The following EPHA6 variants were observed in gnomAD, a reference collection of about 807,000 sequenced individuals.
The protein encoded by EPHA6 is EPH receptor A6.
In EPHA6, 50 loss-of-function variants were observed where a neutral mutation model predicts 112.0. The observed-to-expected ratio is 0.45, with a 90% confidence interval of 0.36 to 0.56. EPHA6 has a LOEUF of 0.56. Among genes scored for constraint, EPHA6 ranks in the 20% least tolerant of loss-of-function variants. EPHA6 has a pLI of 0.00. For synonymous variants in EPHA6, 529 were observed against 490.7 expected (o/e 1.08, Z -1.03); for missense variants, 1,280 against 1,417.4 (o/e 0.90, Z 1.56).
intron 10 of EPHA6, among the ~76,000 whole-genome samples, chr3:97,518,196 A>G (rs2092477072): frequency 6.6e-6 from 1 of 152,138 alleles, no homozygotes; most frequent in Admixed American, 6.6e-5. Flanking sequence ...ATTCGTGTAC[A>G]TTCCTGCCAA....
At chr3:97,060,881 G>T (rs544106887) in intron 3 of EPHA6, among the ~76,000 whole-genome samples, 1 of 127,428 alleles carries the variant, frequency 7.8e-6, no homozygotes, top group East Asian at 2.3e-4. Flanking sequence ...CCGAGATTGC[G>T]CCTCTGCATT....
rs577722146 is a variant in EPHA6 at position 97,265,807 on chromosome 3, G to T, written c.1606+21520G>T. On this transcript the variant is annotated intron_variant, in intron 5 of 17. Coordinates refer to ENST00000389672, the MANE Select transcript of EPHA6 (RefSeq NM_001080448.3). ...CTTGTGCCTTCCTGTTGCAGCCGGC[G>T]CAATGGCAGCAGCGGCTCCAGATGG... is the stretch of plus-strand genomic sequence containing the variant. Among the ~76,000 whole-genome samples, 22 of 152,338 alleles carry T rather than the reference G, an allele frequency of 1.4e-4. No individual in the cohort carries two copies. In the South Asian group the frequency reaches 4.3e-3, roughly 30 times the overall value.
Position 96,987,515 on chromosome 3 carries a change from G to A in EPHA6, c.636G>A (p.Leu212=), listed in dbSNP as rs2043065572. The change falls in exon 3 of 18, where the codon TTG becomes TTA. Residue 212 remains leucine (L), a synonymous_variant. Coordinates refer to ENST00000389672, the MANE Select transcript of EPHA6 (RefSeq NM_001080448.3). ...LRDCNSIPWV[L]GTCKETFNLF... is the part of the protein sequence containing the mutation. ...ATTGTAACAGCATCCCATGGGTCTT[G>A]GGGACTTGCAAAGAAACATTTAATC... The A allele has an allele frequency of 6.2e-7, 1 of 1,613,776 alleles. No homozygotes were observed. The highest frequency in any genetic ancestry group is 8.5e-7 in the Non-Finnish European group (1 of 1,179,852).
intron 2 of EPHA6, among the ~76,000 whole-genome samples, chr3:96,920,397 TAAAC>T (rs1436958073): frequency 6.6e-6 from 1 of 151,924 alleles, no homozygotes; most frequent in Admixed American, 6.6e-5. Flanking sequence ...CAAAAAATAT[TAAAC>T]AAAATGAAAA....
intron 10 of EPHA6, among the ~76,000 whole-genome samples, chr3:97,520,678 G>GC (rs1312039824): frequency 3.9e-5 from 6 of 152,164 alleles, no homozygotes; most frequent in African/African-American, 1.2e-4. Flanking sequence ...ACTGTAATGT[G>GC]CCGTGGAGAA....
chr3:97,338,095 T>C (rs1236271402), intron 5 of EPHA6, among the ~76,000 whole-genome samples: 2 of 150,454 alleles, frequency 1.3e-5, no homozygotes, highest in African/African-American at 2.5e-5. Flanking sequence ...TGTGTGTGCG[T>C]GTGTGTGTGT....
chr3:97,707,702 C>T (rs1291548221), intron 14 of EPHA6, among the ~76,000 whole-genome samples: 2 of 152,170 alleles, frequency 1.3e-5, no homozygotes, highest in African/African-American at 2.4e-5. Flanking sequence ...CCAAATCCAC[C>T]TCCAATTGTT....
intron 5 of EPHA6, among the ~76,000 whole-genome samples, chr3:97,314,745 G>A (rs566312453): frequency 5.1e-4 from 77 of 151,756 alleles, no homozygotes; most frequent in African/African-American, 1.7e-3. Context: ...GGAGTAGGAA[G>A]GAAGATAGAA....
At chr3:96,955,174 G>C (rs1237332732) in intron 2 of EPHA6, among the ~76,000 whole-genome samples, 1 of 152,036 alleles carries the variant, frequency 6.6e-6, no homozygotes, top group Non-Finnish European at 1.5e-5. Context: ...TGTAGAACAT[G>C]TTTCTAATAG....
chr3:96,916,575 C>T (rs1241872187), intron 2 of EPHA6, among the ~76,000 whole-genome samples: 1 of 151,804 alleles, frequency 6.6e-6, no homozygotes, highest in East Asian at 1.9e-4. Context: ...TTTGAAGAGA[C>T]TCATAGAAAA....
At chr3:97,651,738 C>A (rs1161701912) in intron 14 of EPHA6, among the ~76,000 whole-genome samples, 1 of 152,016 alleles carries the variant, frequency 6.6e-6, no homozygotes, top group Admixed American at 6.6e-5. Context: ...TGAGAAAGAT[C>A]AATCAGCACA....
intron 5 of EPHA6, among the ~76,000 whole-genome samples, chr3:97,331,766 C>A (rs1367993807): frequency 4.0e-5 from 6 of 151,896 alleles, no homozygotes; most frequent in Non-Finnish European, 8.8e-5. Flanking sequence ...GCTTACCAAC[C>A]AAAAAAAGTC....
chr3:96,912,980 G>T (rs2039295757), intron 2 of EPHA6, among the ~76,000 whole-genome samples: 1 of 151,976 alleles, frequency 6.6e-6, no homozygotes, highest in Non-Finnish European at 1.5e-5. Context: ...CTAGTGGCAT[G>T]GTTTTTGAGG....
intron 2 of EPHA6, among the ~76,000 whole-genome samples, chr3:96,944,876 G>GT (rs1048819847): frequency 6.6e-6 from 1 of 152,100 alleles, no homozygotes; most frequent in African/African-American, 2.4e-5. Context: ...GGAGGCAGAG[G>GT]TTGCAGTGAG....
chr3:97,604,611 A>G (rs2093666805), intron 12 of EPHA6, among the ~76,000 whole-genome samples: 1 of 151,660 alleles, frequency 6.6e-6, no homozygotes. Flanking sequence ...AGTGACAAAC[A>G]TTGTGCTAAT....
rs534847485 is a variant in EPHA6 at position 97,558,513 on chromosome 3, G to T, written c.2386+25970G>T. Among the ~76,000 whole-genome samples the T allele has an allele frequency of 2.6e-5, 4 of 151,956 alleles. No homozygotes were observed. In the South Asian group the frequency reaches 6.2e-4, roughly 24 times the overall value. ...TCTCTCCCAATGCTATGAGTGTTTT[G>T]TCTTTCCCCCTTTCCCCCATTCTCT... On this transcript the variant is annotated intron_variant, in intron 11 of 17. Transcript: ENST00000389672.
chr3:97,268,198 C>G (rs926004636), intron 5 of EPHA6, among the ~76,000 whole-genome samples: 12 of 152,156 alleles, frequency 7.9e-5, no homozygotes, highest in African/African-American at 2.9e-4. Context: ...TCTTCTGTCT[C>G]TTTTCATTAG....
intron 5 of EPHA6, among the ~76,000 whole-genome samples, chr3:97,247,345 C>G (rs1403952229): frequency 6.6e-6 from 1 of 151,608 alleles, no homozygotes; most frequent in Non-Finnish European, 1.5e-5. Flanking sequence ...CTTTATGTAC[C>G]TTAAAGTCTG....
At chr3:97,234,238 G>C (rs1181038702) in intron 4 of EPHA6, among the ~76,000 whole-genome samples, 2 of 151,960 alleles carry the variant, frequency 1.3e-5, no homozygotes, top group East Asian at 3.9e-4. Flanking sequence ...AGCTGGTTTT[G>C]TTTATCTCCT....
Sources: gnomAD v4.1 joint callset for allele counts (sites outside exome capture counted in the v4.1 genomes callset) on GRCh38, gnomAD v4.1.1 for gene constraint, MANE v1.5 for transcripts, NCBI Gene and HGNC (gene_info 2026-07-23, HGNC 2026-07-21) for gene names.